DNM1: variants seen among roughly 807,000 people sequenced by gnomAD.
The protein encoded by DNM1 is dynamin 1, also known as dynamin-1.
Under a neutral mutation model 104.6 loss-of-function variants are expected in DNM1, and 29 were observed. That is an observed-to-expected ratio of 0.28 (90% confidence interval 0.21 to 0.38). The LOEUF (loss-of-function observed/expected upper bound fraction) is 0.38. Ranked by LOEUF, DNM1 falls within the 10% of genes least tolerant of loss-of-function variation. The probability of loss-of-function intolerance (pLI) is 1.00; values close to 1 mark genes in which losing one functional copy is unlikely to be tolerated. For missense variants in DNM1, 640 were observed against 1,189.4 expected, an observed-to-expected ratio of 0.54 and a Z score of 6.79; for synonymous variants, 445 against 475.8, an observed-to-expected ratio of 0.94 and a Z score of 0.84.
Position 128,208,459 on chromosome 9 carries a change from C to G in DNM1, c.161+4828C>G, listed in dbSNP as rs117964302. 2.2e-3 allele frequency among the ~76,000 whole-genome samples: 333 copies of G among 152,310 alleles called. 2 individuals carry two copies. Among genetic ancestry groups the G allele is most frequent in the South Asian group, 5.8e-3 (28 of 4,824 alleles). On this transcript the variant is annotated intron_variant, in intron 1 of 21. Transcript: ENST00000372923. ...CTAGCCTTTCCCAGGGGAGACAGCC[C>G]CCTCCCCACTATTAAGCTCTGTCTC...
Position 128,218,670 on chromosome 9 carries a change from C to T in DNM1, c.324C>T (p.Val108=). ...RLEIEAETDR[V]TGTNKGISPV... Reference sequence around the variant, plus strand: ...AGATCGAGGCCGAGACCGACAGGGTCACCGGCACCAACAAGGGCATCTCGC... The same window carrying T: ...AGATCGAGGCCGAGACCGACAGGGTTACCGGCACCAACAAGGGCATCTCGC... Residue 108 remains valine (V), a synonymous_variant, in exon 3 of 22, where the codon GTC becomes GTT. Coordinates refer to ENST00000372923, the MANE Select transcript of DNM1 (RefSeq NM_004408.4). The surrounding 1 kb of genome is among the most constrained non-coding windows in gnomAD (Gnocchi z 4.8). 1 of 1,613,352 alleles carries T rather than the reference C, an allele frequency of 6.2e-7. No homozygotes were observed. The highest frequency in any genetic ancestry group is 1.7e-4 in the Middle Eastern group (1 of 6,060).
intron 1 of DNM1, among the ~76,000 whole-genome samples, chr9:128,209,871 C>T (rs1283106807): frequency 6.6e-6 from 1 of 152,146 alleles, no homozygotes; most frequent in East Asian, 1.9e-4. Context: ...CAGCTGGGCA[C>T]CTCCCCTGGC....
intron 11 of DNM1, among the ~76,000 whole-genome samples, chr9:128,237,067 A>G (rs1331618112): frequency 6.6e-6 from 1 of 152,194 alleles, no homozygotes; most frequent in African/African-American, 2.4e-5. Flanking sequence ...TCTAAGAGGC[A>G]GAAACGCTAC....
At chr9:128,215,333 C>G (rs1319288944) in intron 1 of DNM1, among the ~76,000 whole-genome samples, 1 of 152,260 alleles carries the variant, frequency 6.6e-6, no homozygotes, top group East Asian at 1.9e-4. Flanking sequence ...TTCTGCCTCC[C>G]CATGAAGCCC....
intron 12 of DNM1, 92 bp downstream of exon 12, chr9:128,239,607 TGTGTGTGTG>T: frequency 7.8e-7 from 1 of 1,286,302 alleles, no homozygotes; most frequent in African/African-American, 1.7e-5. Flanking sequence ...TGTGTGTGTG[TGTGTGTGTG>T]TAGAGCCCAG....
chr9:128,232,297 C>T (rs897790592), intron 10 of DNM1, among the ~76,000 whole-genome samples: 8 of 152,162 alleles, frequency 5.3e-5, no homozygotes, highest in African/African-American at 1.2e-4. Context: ...CTGCAAAGAG[C>T]GGGAGCCCTT....
At chr9:128,227,781 T>A (rs1246132435) in intron 10 of DNM1, among the ~76,000 whole-genome samples, 2 of 152,200 alleles carry the variant, frequency 1.3e-5, no homozygotes, top group Admixed American at 6.5e-5. Flanking sequence ...GTTTCAATTT[T>A]TTTTTTTGCC....
At chr9:128,249,963 G>A in intron 19 of DNM1, 152 bp from the exon 20 acceptor site, 2 of 1,128,192 alleles carry the variant, frequency 1.8e-6, no homozygotes, top group Non-Finnish European at 2.6e-6. Flanking sequence ...AGTGAGAAAA[G>A]CGCGGTGGGG....
At chr9:128,225,246 T>C (rs1835270978) in intron 10 of DNM1, among the ~76,000 whole-genome samples, 1 of 152,160 alleles carries the variant, frequency 6.6e-6, no homozygotes, top group African/African-American at 2.4e-5. Context: ...CCGGCCCCTC[T>C]CTATCACTAC....
At chr9:128,246,730 C>CCCTT (rs937158628) in intron 16 of DNM1, among the ~76,000 whole-genome samples, 2 of 147,460 alleles carry the variant, frequency 1.4e-5, no homozygotes, top group African/African-American at 5.0e-5. Flanking sequence ...TTTCCTTCCT[C>CCCTT]CCTTCCTTCC....
rs907449373 is a variant in DNM1, at chr9:128,218,078, A to T, written c.162-153A>T. Among the ~76,000 whole-genome samples the T allele has an allele frequency of 2.5e-4, 38 of 152,304 alleles. No homozygotes were observed. Among genetic ancestry groups the T allele is most frequent in the Admixed American group, 1.1e-3 (17 of 15,302 alleles). On this transcript the variant is annotated intron_variant, in intron 1 of 21. Transcript: ENST00000372923. The surrounding 1 kb of genome is among the most constrained non-coding windows in gnomAD (Gnocchi z 4.8). The stretch of plus-strand genomic sequence containing the variant: ...ATTTTCCACCTTTCTGGGCTGCCAT[A>T]TGCTCTTAGTTACCTGAAGCCCCTG...
chr9:128,242,948 G>A (rs1836470568), intron 15 of DNM1, among the ~76,000 whole-genome samples: 1 of 152,122 alleles, frequency 6.6e-6, no homozygotes, highest in South Asian at 2.1e-4. Flanking sequence ...TGACCCTGCA[G>A]CCCAGCAGCC....
At position 128,203,749 on chromosome 9, in the gene DNM1, G is replaced by A; in HGVS notation, c.161+118G>A. 1.0e-6 allele frequency: 1 copy of A among 982,786 alleles called. No individual in the cohort carries two copies. The allele number at this position is 982,786 out of a possible 1,614,324, so 60.9% of individuals were successfully genotyped here. On this transcript the variant is annotated intron_variant, in intron 1 of 21. Coordinates refer to ENST00000372923, the MANE Select transcript of DNM1 (RefSeq NM_004408.4). This position sits in a 1 kb window ranked among gnomAD's most constrained non-coding sequence, Gnocchi z 5.3. ...CCCCGACGCTGCACCCGCGGCCGGC[G>A]CGCCCCCCACCCCCAGCCGGAGCGA...
chr9:128,213,171 T>A (rs956489382), intron 1 of DNM1, among the ~76,000 whole-genome samples: 2 of 152,112 alleles, frequency 1.3e-5, no homozygotes, highest in Admixed American at 1.3e-4. Flanking sequence ...AACCTCCACC[T>A]CCCGGGTTCA....
At chr9:128,214,346 G>C (rs1564324637) in intron 1 of DNM1, among the ~76,000 whole-genome samples, 1 of 152,180 alleles carries the variant, frequency 6.6e-6, no homozygotes, top group Non-Finnish European at 1.5e-5. Context: ...ATGGTCATTT[G>C]TGCACAGCCA....
At chr9:128,233,352 C>T (rs766855096) in intron 10 of DNM1, among the ~76,000 whole-genome samples, 2 of 152,194 alleles carry the variant, frequency 1.3e-5, no homozygotes, top group African/African-American at 2.4e-5. Flanking sequence ...AGCCAGGCCC[C>T]GCGGGGTACT....
intron 16 of DNM1, among the ~76,000 whole-genome samples, 198 bp downstream of exon 16, chr9:128,246,701 C>T (rs189808999): frequency 2.3e-4 from 35 of 150,134 alleles, no homozygotes; most frequent in African/African-American, 7.6e-4. Flanking sequence ...CTTCCCTTCC[C>T]TCCTCCTTCC....
At chr9:128,252,302 G>A (rs1367378881) in intron 21 of DNM1, 1 of 349,228 alleles carries the variant, frequency 2.9e-6, no homozygotes. Context: ...TGTGATGTAA[G>A]GTTTGATGCC....
At chr9:128,251,834 G>C in intron 21 of DNM1, 1 of 153,226 alleles carries the variant, frequency 6.5e-6, no homozygotes, top group Non-Finnish European at 1.5e-5. Context: ...AGTCTGCCCT[G>C]TTTCCACTGG....
Sources: gnomAD v4.1 joint callset for allele counts (sites outside exome capture counted in the v4.1 genomes callset) on GRCh38, gnomAD v4.1.1 for gene constraint, Gnocchi (gnomAD v3.1) non-coding constraint, MANE v1.5 for transcripts, NCBI Gene and HGNC (gene_info 2026-07-23, HGNC 2026-07-21) for gene names.